Variants in GATAD2B observed in about 807,000 individuals in gnomAD.
GATAD2B encodes GATA zinc finger domain containing 2B.
In GATAD2B, 8 loss-of-function variants were observed where a neutral mutation model predicts 64.3. That is an observed-to-expected ratio of 0.12 (90% CI 0.07 to 0.22). The LOEUF is 0.22. GATAD2B is among the 10% of genes least tolerant of loss of function. The pLI is 1.00. For missense variants in GATAD2B, 453 were observed against 752.0 expected (o/e 0.60, Z 4.65); for synonymous variants, 281 against 271.3 (o/e 1.04, Z -0.35).
In GATAD2B at chr1:153,807,616, A is replaced by C. The variant is rs1674149619; in HGVS notation, c.*2561T>G. On this transcript the variant is annotated 3_prime_UTR_variant, in exon 11 of 11. Coordinates refer to ENST00000368655, the MANE Select transcript of GATAD2B (RefSeq NM_020699.4). The stretch of plus-strand genomic sequence containing the variant: ...GGAAGATTCCACCATCTCCCCTGTG[A>C]CCTCAGCACCTAAGCAGGCACTCGA... The C allele has an allele frequency of 6.6e-6, 1 of 152,580 alleles. No homozygotes were observed. Among genetic ancestry groups the C allele is most frequent in the South Asian group, 2.1e-4 (1 of 4,824 alleles). 9.5% of individuals were successfully genotyped at this position (152,580 alleles called of 1,614,324 possible). A position where few individuals can be genotyped will look rare whatever the true frequency, so the allele number is the denominator to read the frequency against.
At chr1:153,854,934 C>G (rs750975280) in intron 1 of GATAD2B, among the ~76,000 whole-genome samples, 10 of 151,950 alleles carry the variant, frequency 6.6e-5, no homozygotes, top group Non-Finnish European at 1.3e-4. Flanking sequence ...TCAATGAGCA[C>G]GGTCTCTTCA....
At chr1:153,836,977 T>C (rs1675290903) in intron 1 of GATAD2B, among the ~76,000 whole-genome samples, 1 of 152,184 alleles carries the variant, frequency 6.6e-6, no homozygotes, top group Non-Finnish European at 1.5e-5. Context: ...AGGTAAGTCT[T>C]TCCTAATAGA....
chr1:153,902,835 A>G (rs1286330592), intron 1 of GATAD2B, among the ~76,000 whole-genome samples: 1 of 152,066 alleles, frequency 6.6e-6, no homozygotes, highest in African/African-American at 2.4e-5. Flanking sequence ...TAACGTACCT[A>G]TGTTTATATC....
At chr1:153,839,253 T>C (rs557681970) in intron 1 of GATAD2B, among the ~76,000 whole-genome samples, 1 of 152,192 alleles carries the variant, frequency 6.6e-6, no homozygotes, top group East Asian at 1.9e-4. Flanking sequence ...GAAATAGCTC[T>C]ACATTCATGC....
intron 1 of GATAD2B, among the ~76,000 whole-genome samples, chr1:153,868,886 C>G (rs1016609493): frequency 6.6e-6 from 1 of 151,996 alleles, no homozygotes; most frequent in Non-Finnish European, 1.5e-5. Flanking sequence ...AGGCACGCAC[C>G]ATCACACCTG....
At chr1:153,834,194 T>C (rs1029490591) in intron 1 of GATAD2B, among the ~76,000 whole-genome samples, 2 of 150,872 alleles carry the variant, frequency 1.3e-5, no homozygotes, top group Admixed American at 6.6e-5. Flanking sequence ...GCTATAGAGA[T>C]GGGGTTTCAC....
Position 153,810,064 on chromosome 1 carries a change from C to T in GATAD2B, c.*113G>A. ...TTTTGTCTTCTGTTTTTCTGTTTTG[C>T]TTTCCGTGTATGGTAGGCACCAGTA... On this transcript the variant is annotated 3_prime_UTR_variant, in exon 11 of 11. Transcript: ENST00000368655. 2.9e-6 allele frequency: 3 copies of T among 1,042,920 alleles called. No homozygotes were observed. The highest frequency in any genetic ancestry group is 4.1e-6 in the Non-Finnish European group (3 of 726,330). The allele number at this position is 1,042,920 out of a possible 1,614,324, so 64.6% of individuals were successfully genotyped here.
intron 1 of GATAD2B, among the ~76,000 whole-genome samples, chr1:153,874,645 C>T (rs574536855): frequency 1.3e-5 from 2 of 152,042 alleles, no homozygotes; most frequent in African/African-American, 2.4e-5. Context: ...GGCGCGATCT[C>T]GGCTTACTGC....
intron 4 of GATAD2B, 120 bp downstream of exon 4, chr1:153,818,671 C>A: frequency 1.1e-6 from 1 of 875,462 alleles, no homozygotes; most frequent in Non-Finnish European, 1.8e-6. Context: ...CTACTACAGA[C>A]TAAAAAACTA....
chr1:153,839,108 C>CAGAAAAAAAAAAAAA (rs1675378808), intron 1 of GATAD2B, among the ~76,000 whole-genome samples: 1 of 78,574 alleles, frequency 1.3e-5, no homozygotes, highest in African/African-American at 6.2e-5. Context: ...GACCCTGTCT[C>CAGAAAAAAAAAAAAA]AAAAAAAAAA....
chr1:153,854,615 A>G (rs1676017629), intron 1 of GATAD2B, among the ~76,000 whole-genome samples: 1 of 152,222 alleles, frequency 6.6e-6, no homozygotes, highest in Non-Finnish European at 1.5e-5. Context: ...AATAGTTGTT[A>G]CATTTCATCC....
chr1:153,850,542 C>T (rs1338338028), intron 1 of GATAD2B, among the ~76,000 whole-genome samples: 2 of 152,078 alleles, frequency 1.3e-5, no homozygotes, highest in Non-Finnish European at 2.9e-5. Flanking sequence ...TCAAGTGATC[C>T]GCCCACATCA....
rs1393902687 is a variant in GATAD2B, at chr1:153,810,347, A to G, written c.1649-37T>C. On this transcript the variant is annotated intron_variant, in intron 10 of 10. Coordinates refer to ENST00000368655, the MANE Select transcript of GATAD2B (RefSeq NM_020699.4). ...AGACAAAAGTGGAGGGCAGGTATTA[A>G]AAGAGGAAATAACATTCCCTTCCAC... 1.9e-6 allele frequency: 3 copies of G among 1,606,374 alleles called. No homozygotes were observed. In the Admixed American group the frequency reaches 5.1e-5, roughly 27 times the overall value.
intron 1 of GATAD2B, among the ~76,000 whole-genome samples, chr1:153,876,332 C>G (rs533520285): frequency 6.7e-6 from 1 of 148,612 alleles, no homozygotes; most frequent in Admixed American, 6.8e-5. Context: ...ATGTCCTTAA[C>G]CATCGTACTA....
chr1:153,857,631 A>G lies in GATAD2B; in HGVS notation c.-1-29283T>C, dbSNP rs556976369. ...TTATCAAGTTAGAAAGTGGGAGGTA[A>G]AAAAGGAGAGAGAGATGTCTCTGGA... On this transcript the variant is annotated intron_variant, in intron 1 of 10. Transcript: ENST00000368655. Among the ~76,000 whole-genome samples the G allele has an allele frequency of 7.2e-5, 11 of 152,254 alleles. No homozygotes were observed. The South Asian group carries it at 2.3e-3, about 32-fold the overall frequency.
At chr1:153,865,577 G>T (rs1360755129) in intron 1 of GATAD2B, among the ~76,000 whole-genome samples, 1 of 152,178 alleles carries the variant, frequency 6.6e-6, no homozygotes, top group Non-Finnish European at 1.5e-5. Context: ...ACATTTTACC[G>T]ATGGTGATGA....
At chr1:153,878,591 CCAAT>C (rs1340560931) in intron 1 of GATAD2B, among the ~76,000 whole-genome samples, 4 of 152,002 alleles carry the variant, frequency 2.6e-5, no homozygotes, top group Admixed American at 6.6e-5. Context: ...ATACAAGTTC[CCAAT>C]CAAATTAAGG....
intron 1 of GATAD2B, among the ~76,000 whole-genome samples, chr1:153,856,851 T>C (rs1006684148): frequency 7.9e-5 from 12 of 152,126 alleles, no homozygotes; most frequent in South Asian, 4.1e-4. Context: ...GTCCATGACA[T>C]TTAATTGAGC....
intron 1 of GATAD2B, among the ~76,000 whole-genome samples, chr1:153,908,840 AG>A (rs201771725): frequency 6.6e-6 from 1 of 151,594 alleles, no homozygotes; most frequent in East Asian, 1.9e-4. Context: ...TTTATCCCCA[AG>A]GCTGGAACAC....
Sources: allele counts gnomAD v4.1 joint callset (sites outside exome capture counted in the v4.1 genomes callset), GRCh38; gene constraint gnomAD v4.1.1; transcripts MANE v1.5; gene names NCBI Gene and HGNC (gene_info 2026-07-23, HGNC 2026-07-21).